The following NACC2 variants were observed in gnomAD, a reference collection of about 807,000 sequenced individuals.
NACC2 encodes nucleus accumbens-associated protein 2.
NACC2 carries 8 observed loss-of-function variants against 25.1 expected under a neutral mutation model. The observed-to-expected ratio is 0.32, with a 90% CI of 0.19 to 0.57. The LOEUF is 0.57. Among genes scored for constraint, NACC2 ranks in the 20% least tolerant of loss-of-function variants. The pLI is 0.89. For synonymous variants in NACC2, 435 were observed against 294.7 expected (o/e 1.48, Z -4.88); for missense variants, 644 against 650.2 (o/e 0.99, Z 0.10).
intron 2 of NACC2, among the ~76,000 whole-genome samples, chr9:136,024,206 G>C (rs555242684): frequency 3.6e-5 from 5 of 139,988 alleles, no homozygotes; most frequent in South Asian, 2.3e-4. Flanking sequence ...TGTGAGGACA[G>C]AGTGTGTGTG....
Position 136,049,726 on chromosome 9 carries a change from C to T in NACC2, c.796G>A (p.Glu266Lys). The change falls in exon 2 of 6, where the codon GAG becomes AAG. Residue 266 changes from glutamate (E) to lysine (K), a missense_variant. By Grantham distance (56) the Glu-to-Lys change is moderately conservative. Coordinates refer to ENST00000277554, the MANE Select transcript of NACC2 (RefSeq NM_144653.5). The part of the protein sequence containing the change: ...TTDSPTSYHN[E>K]EDEEDDEAYD... ...GCCTCGTCGTCCTCCTCGTCCTCCT[C>T]GTTGTGGTACGAGGTGGGGCTGTCG... 2 of 779,150 alleles carry T rather than the reference C, an allele frequency of 2.6e-6. No individual in the cohort carries two copies. Among genetic ancestry groups the T allele is most frequent in the Admixed American group, 1.7e-5 (1 of 58,954 alleles). 48.3% of individuals were successfully genotyped at this position (779,150 alleles called of 1,614,324 possible). A position where few individuals can be genotyped will look rare whatever the true frequency, so the allele number is the denominator to read the frequency against.
chr9:136,050,564 G>T lies in NACC2; in HGVS notation c.-43C>A. The T allele has an allele frequency of 1.4e-6, 1 of 732,032 alleles. No homozygotes were observed. The allele number at this position is 732,032 out of a possible 1,614,324, so 45.3% of individuals were successfully genotyped here. The stretch of plus-strand genomic sequence containing the variant: ...GGGGCTGGGCTCTCAGCGCGGGGCG[G>T]CCCTAGCGGGGCTCATCTGTGGGGG... On this transcript the variant is annotated 5_prime_UTR_variant, in exon 2 of 6. Coordinates refer to ENST00000277554, the MANE Select transcript of NACC2 (RefSeq NM_144653.5).
Position 136,020,609 on chromosome 9 carries a change from A to G in NACC2, c.887-4180T>C, listed in dbSNP as rs1163472932. Among the ~76,000 whole-genome samples the G allele has an allele frequency of 6.6e-6, 1 of 152,238 alleles. No homozygotes were observed. Among genetic ancestry groups the G allele is most frequent in the African/African-American group, 2.4e-5 (1 of 41,462 alleles). Reference sequence around the variant, plus strand: ...TATACCATTTGTTAAAATGCACCACAAGAAAATGAGCCCCTAGTCCTTGAT... The same window carrying G: ...TATACCATTTGTTAAAATGCACCACGAGAAAATGAGCCCCTAGTCCTTGAT... On this transcript the variant is annotated intron_variant, in intron 2 of 5. Transcript: ENST00000277554. The surrounding 1 kb of genome is among the most constrained non-coding windows in gnomAD (Gnocchi z 4.7).
chr9:136,043,507 T>G (rs1203495512), intron 2 of NACC2, among the ~76,000 whole-genome samples: 3 of 152,256 alleles, frequency 2.0e-5, no homozygotes, highest in African/African-American at 7.2e-5. Flanking sequence ...CACGGGCTGC[T>G]GGTGGGAGTG....
chr9:136,045,927 G>T (rs1840716286), intron 2 of NACC2, among the ~76,000 whole-genome samples: 1 of 152,122 alleles, frequency 6.6e-6, no homozygotes, highest in African/African-American at 2.4e-5. Context: ...TGCCCACCCG[G>T]CCGGCTGCCT....
intron 2 of NACC2, among the ~76,000 whole-genome samples, chr9:136,021,423 C>T (rs1163531165): frequency 6.6e-6 from 1 of 152,056 alleles, no homozygotes; most frequent in Non-Finnish European, 1.5e-5. Context: ...GGTCTCACCT[C>T]CCAGTGCGGC....
rs760081992 is a variant in NACC2, at chr9:136,086,925, C to G, written c.-60+8264G>C. ...CCCCTCCCACACCACACCGGGGGTTCGCATCTACCTGACCCTTTGAATGCG... is the reference window on the plus strand; with the variant it reads ...CCCCTCCCACACCACACCGGGGGTTGGCATCTACCTGACCCTTTGAATGCG... On this transcript the variant is annotated intron_variant, in intron 1 of 5. Coordinates refer to ENST00000277554, the MANE Select transcript of NACC2 (RefSeq NM_144653.5). The surrounding 1 kb of genome is among the most constrained non-coding windows in gnomAD (Gnocchi z 5.6). Among the ~76,000 whole-genome samples the G allele has an allele frequency of 6.6e-6, 1 of 152,208 alleles. No individual in the cohort carries two copies. Among genetic ancestry groups the G allele is most frequent in the Non-Finnish European group, 1.5e-5 (1 of 68,034 alleles).
chr9:136,079,605 C>T (rs967203600), intron 1 of NACC2, among the ~76,000 whole-genome samples: 7 of 152,160 alleles, frequency 4.6e-5, no homozygotes, highest in African/African-American at 1.4e-4. Context: ...GGCCCTCAAC[C>T]GAGGGCAGAA....
At chr9:136,041,001 A>AGAAAGGAAG (rs781446471) in intron 2 of NACC2, among the ~76,000 whole-genome samples, 2 of 139,194 alleles carry the variant, frequency 1.4e-5, no homozygotes, top group African/African-American at 5.6e-5. Context: ...AAGGAAGGAA[A>AGAAAGGAAG]GAAAGGAAGG....
chr9:136,011,062 C>T lies in NACC2; in HGVS notation c.*454G>A, dbSNP rs1840098044. ...CTGGAGCCTGAGCCCTGCCCCGTCG[C>T]CCCAGAGAGGTTCCATGGGGAAGGA... On this transcript the variant is annotated 3_prime_UTR_variant, in exon 6 of 6. Coordinates refer to ENST00000277554, the MANE Select transcript of NACC2 (RefSeq NM_144653.5). The T allele has an allele frequency of 6.5e-6, 1 of 153,730 alleles. No individual in the cohort carries two copies. Among genetic ancestry groups the T allele is most frequent in the Non-Finnish European group, 1.4e-5 (1 of 69,198 alleles). 9.5% of individuals were successfully genotyped at this position (153,730 alleles called of 1,614,324 possible). A position where few individuals can be genotyped will look rare whatever the true frequency, so the allele number is the denominator to read the frequency against.
chr9:136,024,532 T>TGTGTGG (rs1554736630), intron 2 of NACC2, among the ~76,000 whole-genome samples: 1 of 117,640 alleles, frequency 8.5e-6, no homozygotes, highest in Non-Finnish European at 1.8e-5. Context: ...TGTGTGTGTG[T>TGTGTGG]GGACAGTGTG....
At chr9:136,024,188 TGTGTGTGTGTGAGGACAGA>T (rs1564221440) in intron 2 of NACC2, among the ~76,000 whole-genome samples, 5 of 117,548 alleles carry the variant, frequency 4.3e-5, no homozygotes, top group African/African-American at 1.7e-4. Context: ...GAGGACGGAG[TGTGTGTGTGTGAGGACAGA>T]GTGTGTGTGT....
At chr9:136,015,158 T>A (rs1219658239) in intron 3 of NACC2, among the ~76,000 whole-genome samples, 1 of 152,048 alleles carries the variant, frequency 6.6e-6, no homozygotes, top group Non-Finnish European at 1.5e-5. Context: ...TCCAATCCCA[T>A]CAGCCCCACA....
At chr9:136,014,344 GC>G (rs1300598754) in intron 3 of NACC2, among the ~76,000 whole-genome samples, 1 of 151,996 alleles carries the variant, frequency 6.6e-6, no homozygotes, top group East Asian at 1.9e-4. Flanking sequence ...TTGCTCTGTT[GC>G]CCAGGCTGGA....
chr9:136,006,704 T>C lies in NACC2; in HGVS notation c.*4812A>G, dbSNP rs1840017364. On this transcript the variant is annotated 3_prime_UTR_variant, in exon 6 of 6. Coordinates refer to ENST00000277554, the MANE Select transcript of NACC2 (RefSeq NM_144653.5). ...TCGCTTTTGAATGTTTCAGTTTTAG[T>C]TATTGATACAATGTCAGCCATGGCT... 6.6e-6 allele frequency: 1 copy of C among 152,236 alleles called. No individual in the cohort carries two copies. The highest frequency in any genetic ancestry group is 2.1e-4 in the South Asian group (1 of 4,836). The allele number at this position is 152,236 out of a possible 1,614,324, so 9.4% of individuals were successfully genotyped here.
chr9:136,087,657 G>A (rs937366042), intron 1 of NACC2, among the ~76,000 whole-genome samples: 10 of 152,232 alleles, frequency 6.6e-5, no homozygotes, highest in Non-Finnish European at 1.3e-4. Context: ...GGAGCTCACA[G>A]CGGGAAAACT....
chr9:136,034,342 G>A (rs1201460634), intron 2 of NACC2, among the ~76,000 whole-genome samples: 7 of 152,050 alleles, frequency 4.6e-5, no homozygotes, highest in Admixed American at 2.0e-4. Context: ...AAGAGAGTCC[G>A]AATCTTGACT....
At chr9:136,037,554 C>CTGGA (rs1840572361) in intron 2 of NACC2, among the ~76,000 whole-genome samples, 1 of 150,614 alleles carries the variant, frequency 6.6e-6, no homozygotes, top group African/African-American at 2.4e-5. Flanking sequence ...GTCACTCAGG[C>CTGGA]TGGAGTACAG....
chr9:136,061,905 AGGTCAGGAGTT>A (rs781047513), intron 1 of NACC2, among the ~76,000 whole-genome samples: 6 of 152,190 alleles, frequency 3.9e-5, no homozygotes, highest in Non-Finnish European at 7.3e-5. Context: ...GGATCACCTG[AGGTCAGGAGTT>A]CGAGACTAGC....
Sources: allele counts gnomAD v4.1 joint callset (sites outside exome capture counted in the v4.1 genomes callset), GRCh38; gene constraint gnomAD v4.1.1; non-coding constraint Gnocchi (gnomAD v3.1); transcripts MANE v1.5; gene names NCBI Gene and HGNC (gene_info 2026-07-23, HGNC 2026-07-21).